Variants in CDIN1 observed in about 807,000 individuals in gnomAD.
CDIN1 encodes the protein CDAN1 interacting nuclease 1, also known as CDAN1-interacting nuclease 1.
In CDIN1, 33 loss-of-function variants were observed where a neutral mutation model predicts 45.3. The observed-to-expected ratio is 0.73, with a 90% CI of 0.55 to 0.97. The LOEUF is 0.97. CDIN1 is among the 50% of genes least tolerant of loss of function. The pLI is 0.00. For synonymous variants in CDIN1, 118 were observed against 124.4 expected (o/e 0.95, Z 0.34); for missense variants, 303 against 339.4 (o/e 0.89, Z 0.84).
At chr15:36,649,714 T>C (rs74845129) in intron 3 of CDIN1, among the ~76,000 whole-genome samples, 39 of 152,264 alleles carry the variant, frequency 2.6e-4, no homozygotes, top group African/African-American at 9.1e-4. Context: ...GATGATAAGT[T>C]TATTTCTAGA....
At chr15:36,583,583 C>T (rs978405693) in intron 1 of CDIN1, among the ~76,000 whole-genome samples, 10 of 152,174 alleles carry the variant, frequency 6.6e-5, no homozygotes, top group South Asian at 6.2e-4. Context: ...CATTTAATGT[C>T]TTCGGTAGGG....
rs1292671128 is a variant in CDIN1, at chr15:36,579,844, C to G, written c.-17C>G. 5 of 1,607,428 alleles carry G rather than the reference C, an allele frequency of 3.1e-6. No individual in the cohort carries two copies. In the Admixed American group the frequency reaches 8.4e-5, roughly 27 times the overall value. On this transcript the variant is annotated 5_prime_UTR_variant, in exon 1 of 11. Coordinates refer to ENST00000566621, the MANE Select transcript of CDIN1 (RefSeq NM_001321759.2). The stretch of plus-strand genomic sequence containing the variant: ...GTTTTTTCCTTGTTCCCGCCACCTC[C>G]TGGTCCCTGGCCCAACATGATACTG...
chr15:36,644,551 T>C (rs1450327599), intron 2 of CDIN1, among the ~76,000 whole-genome samples: 1 of 152,176 alleles, frequency 6.6e-6, no homozygotes, highest in African/African-American at 2.4e-5. Flanking sequence ...TAAATTATGC[T>C]AAACCATTAT....
chr15:36,719,957 T>C (rs549920835), intron 10 of CDIN1, among the ~76,000 whole-genome samples: 1 of 152,230 alleles, frequency 6.6e-6, no homozygotes, highest in African/African-American at 2.4e-5. Flanking sequence ...TCTGTAGATA[T>C]GTCTCCTTTC....
chr15:36,623,034 A>G (rs2039265131), intron 1 of CDIN1, among the ~76,000 whole-genome samples: 1 of 152,232 alleles, frequency 6.6e-6, no homozygotes, highest in African/African-American at 2.4e-5. Context: ...ATCTAATGCA[A>G]TGTAAGCTGT....
chr15:36,756,121 T>A (rs1259376219), intron 10 of CDIN1: 11 of 455,848 alleles, frequency 2.4e-5, no homozygotes, highest in Non-Finnish European at 4.0e-5. Context: ...GCTTTATTGG[T>A]TTATATGGTT....
chr15:36,804,965 G>T (rs772607850), intron 10 of CDIN1, among the ~76,000 whole-genome samples: 8 of 151,868 alleles, frequency 5.3e-5, no homozygotes, highest in Non-Finnish European at 1.2e-4. Flanking sequence ...GTGAGTCACT[G>T]TCCCCAGCCG....
intron 1 of CDIN1, among the ~76,000 whole-genome samples, chr15:36,635,101 G>T (rs2039841725): frequency 6.6e-6 from 1 of 152,244 alleles, no homozygotes; most frequent in East Asian, 1.9e-4. Flanking sequence ...CCCAAGCTTT[G>T]GGGGCAGGGG....
intron 1 of CDIN1, among the ~76,000 whole-genome samples, chr15:36,639,264 GA>G (rs375873778): frequency 2.6e-5 from 4 of 151,322 alleles, no homozygotes; most frequent in Non-Finnish European, 2.9e-5. Context: ...AATATTTGGG[GA>G]AAAAAAAAGC....
intron 3 of CDIN1, among the ~76,000 whole-genome samples, chr15:36,651,509 A>G (rs914613766): frequency 1.3e-5 from 2 of 152,228 alleles, no homozygotes; most frequent in African/African-American, 4.8e-5. Flanking sequence ...GGGGATAATT[A>G]AAGTTTCCAG....
At chr15:36,583,437 A>C (rs2037138280) in intron 1 of CDIN1, among the ~76,000 whole-genome samples, 1 of 152,134 alleles carries the variant, frequency 6.6e-6, no homozygotes, top group African/African-American at 2.4e-5. Context: ...TTTTCAAGTC[A>C]CTGTGTTTTA....
chr15:36,725,535 G>C (rs1377722915), intron 10 of CDIN1, among the ~76,000 whole-genome samples: 1 of 152,118 alleles, frequency 6.6e-6, no homozygotes. Flanking sequence ...TTGGAATTCA[G>C]AAGTTTGAGG....
intron 10 of CDIN1, chr15:36,798,692 G>A (rs1490304023): frequency 6.6e-6 from 1 of 152,046 alleles, no homozygotes; most frequent in Admixed American, 6.6e-5. Flanking sequence ...CCGAACTCTG[G>A]GTTACCCTGT....
At chr15:36,730,196 C>T (rs1303089131) in intron 10 of CDIN1, among the ~76,000 whole-genome samples, 2 of 151,996 alleles carry the variant, frequency 1.3e-5, no homozygotes, top group Non-Finnish European at 2.9e-5. Flanking sequence ...AAATTAGGAC[C>T]ATTAAAATTA....
intron 1 of CDIN1, among the ~76,000 whole-genome samples, chr15:36,625,340 G>A (rs1369011381): frequency 6.6e-6 from 1 of 151,992 alleles, no homozygotes; most frequent in Non-Finnish European, 1.5e-5. Flanking sequence ...GAAAGTAACT[G>A]TGCTTATTAG....
At chr15:36,788,663 A>G (rs1156430915) in intron 10 of CDIN1, among the ~76,000 whole-genome samples, 7 of 152,086 alleles carry the variant, frequency 4.6e-5, no homozygotes, top group Non-Finnish European at 1.0e-4. Flanking sequence ...TTACTTAAAT[A>G]TATTTTAATA....
intron 1 of CDIN1, among the ~76,000 whole-genome samples, chr15:36,608,370 G>T (rs1195210516): frequency 6.6e-6 from 1 of 152,132 alleles, no homozygotes; most frequent in Non-Finnish European, 1.5e-5. Context: ...TTCCTGGTGG[G>T]TATGAAGTGG....
chr15:36,750,106 G>A (rs2039079054), intron 10 of CDIN1, among the ~76,000 whole-genome samples: 1 of 151,718 alleles, frequency 6.6e-6, no homozygotes, highest in African/African-American at 2.4e-5. Flanking sequence ...TGGTGTGGTG[G>A]GGGCACAGGA....
chr15:36,643,871 A>G lies in CDIN1; in HGVS notation c.102-407A>G, dbSNP rs916459419. On this transcript the variant is annotated intron_variant, in intron 1 of 10. Transcript: ENST00000566621. ...AGGAGAATACCTGTCTGCTAACAAA[A>G]TTAATTTCAGAACATTCTCAATGAA... Among the ~76,000 whole-genome samples the G allele has an allele frequency of 1.1e-4, 17 of 152,328 alleles. No individual in the cohort carries two copies. The East Asian group carries it at 1.7e-3, about 16-fold the overall frequency.
Sources: gnomAD v4.1 joint callset for allele counts (sites outside exome capture counted in the v4.1 genomes callset) on GRCh38, gnomAD v4.1.1 for gene constraint, MANE v1.5 for transcripts, NCBI Gene and HGNC (gene_info 2026-07-23, HGNC 2026-07-21) for gene names.